The following MACROD2 variants were observed in gnomAD, a reference collection of about 807,000 sequenced individuals.
The protein encoded by MACROD2 is mono-ADP ribosylhydrolase 2, also known as ADP-ribose glycohydrolase MACROD2.
In MACROD2, 36 loss-of-function variants were observed where a neutral mutation model predicts 70.4. The observed-to-expected ratio is 0.51, with a 90% CI of 0.39 to 0.68. The LOEUF (loss-of-function observed/expected upper bound fraction) is 0.68, where lower values mean the gene tolerates loss of function less well. Ranked by LOEUF, MACROD2 falls within the 30% of genes least tolerant of loss-of-function variation. The pLI, the probability that MACROD2 is intolerant of heterozygous loss-of-function variation, is 0.00. For synonymous variants in MACROD2, 172 were observed against 178.8 expected, an observed-to-expected ratio of 0.96 and a Z score of 0.30; for missense variants, 496 against 538.4, an observed-to-expected ratio of 0.92 and a Z score of 0.78.
At chr20:15,143,362 G>C (rs1040679008) in intron 5 of MACROD2, among the ~76,000 whole-genome samples, 4 of 152,112 alleles carry the variant, frequency 2.6e-5, no homozygotes, top group African/African-American at 9.6e-5. Flanking sequence ...GGGGTTGTTT[G>C]ATTTTTTTCT....
At chr20:15,271,673 T>C (rs2077347697) in intron 6 of MACROD2, among the ~76,000 whole-genome samples, 1 of 152,194 alleles carries the variant, frequency 6.6e-6, no homozygotes, top group African/African-American at 2.4e-5. Flanking sequence ...TGAATGAATA[T>C]GAAGTGAAAG....
intron 5 of MACROD2, among the ~76,000 whole-genome samples, chr20:15,215,296 G>A (rs1337850106): frequency 6.9e-6 from 1 of 144,908 alleles, no homozygotes; most frequent in East Asian, 2.0e-4. Flanking sequence ...GTGTGTGTGT[G>A]TATTTTCAAC....
intron 5 of MACROD2, among the ~76,000 whole-genome samples, chr20:14,904,099 T>C (rs1380114820): frequency 6.6e-6 from 1 of 152,158 alleles, no homozygotes; most frequent in Non-Finnish European, 1.5e-5. Context: ...ATACCATGTC[T>C]ACATCTACCA....
rs530278679 is a variant in MACROD2, at chr20:15,655,117, G to GTA, written c.645+155272_645+155273dup. ...CTTGAAAAATACAATGTGTGTGTGT[G>GTA]TATGTGTGTGCGTGTGTGTGTTGTG... is the stretch of plus-strand genomic sequence containing the variant. On this transcript the variant is annotated intron_variant, in intron 8 of 17. Transcript: ENST00000684519. 5.9e-5 allele frequency among the ~76,000 whole-genome samples: 9 copies of GTA among 151,998 alleles called. No homozygotes were observed. In the East Asian group the frequency reaches 1.7e-3, roughly 29 times the overall value.
chr20:14,444,872 T>G (rs1366737739), intron 3 of MACROD2, among the ~76,000 whole-genome samples: 1 of 151,918 alleles, frequency 6.6e-6, no homozygotes, highest in Non-Finnish European at 1.5e-5. Flanking sequence ...TGTGTTTGTG[T>G]TCCATATATA....
chr20:15,886,123 C>A (rs2064819071), intron 10 of MACROD2, among the ~76,000 whole-genome samples: 1 of 152,124 alleles, frequency 6.6e-6, no homozygotes, highest in Admixed American at 6.6e-5. Context: ...TTCTTACGCT[C>A]ATGAGCATAG....
At chr20:14,245,382 TC>T (rs1568517776) in intron 3 of MACROD2, among the ~76,000 whole-genome samples, 1 of 149,890 alleles carries the variant, frequency 6.7e-6, no homozygotes, top group Non-Finnish European at 1.5e-5. Context: ...AAAAAAAAAT[TC>T]GTATGCTTTT....
chr20:15,860,183 G>T (rs2064406189), intron 8 of MACROD2, among the ~76,000 whole-genome samples: 1 of 151,982 alleles, frequency 6.6e-6, no homozygotes, highest in Admixed American at 6.6e-5. Flanking sequence ...GAATAACATT[G>T]CCATTAACCC....
chr20:15,732,636 G>A (rs1376450019), intron 8 of MACROD2, among the ~76,000 whole-genome samples: 1 of 134,520 alleles, frequency 7.4e-6, no homozygotes, highest in Admixed American at 7.7e-5. Context: ...AATCATTTGT[G>A]AATATTTGGG....
rs377388574 is a variant in MACROD2 at position 15,219,895 on chromosome 20, G to A, written c.419-10045G>A. ...AAACAAAGCAGATTTATTCTAAAAT[G>A]AGCAATATGCAGATGAGGGAAATGA... is the stretch of plus-strand genomic sequence containing the variant. On this transcript the variant is annotated intron_variant, in intron 5 of 17. Transcript: ENST00000684519. Among the ~76,000 whole-genome samples the A allele has an allele frequency of 3.4e-5, 5 of 147,170 alleles. No homozygotes were observed. The East Asian group carries it at 1.0e-3, about 30-fold the overall frequency.
chr20:15,364,921 A>G (rs1370330186), intron 6 of MACROD2, among the ~76,000 whole-genome samples: 1 of 152,238 alleles, frequency 6.6e-6, no homozygotes, highest in Non-Finnish European at 1.5e-5. Flanking sequence ...GCTGCAGAAC[A>G]GGAAAAAAGA....
At chr20:15,274,659 C>T (rs552591847) in intron 6 of MACROD2, among the ~76,000 whole-genome samples, 9 of 152,320 alleles carry the variant, frequency 5.9e-5, no homozygotes, top group South Asian at 4.1e-4. Flanking sequence ...AGGTATTCAA[C>T]GCCTACCATG....
chr20:14,485,516 A>G (rs1324961696), intron 3 of MACROD2, among the ~76,000 whole-genome samples: 1 of 152,048 alleles, frequency 6.6e-6, no homozygotes, highest in Non-Finnish European at 1.5e-5. Context: ...CCTGGCTAAC[A>G]CGGTGAAACC....
intron 5 of MACROD2, among the ~76,000 whole-genome samples, chr20:14,758,244 G>C (rs1056703787): frequency 6.6e-6 from 1 of 151,892 alleles, no homozygotes; most frequent in Non-Finnish European, 1.5e-5. Context: ...TGTGCCACTA[G>C]ATTTATAGAA....
intron 5 of MACROD2, among the ~76,000 whole-genome samples, chr20:14,782,563 A>G (rs1356783144): frequency 6.6e-6 from 1 of 152,048 alleles, no homozygotes; most frequent in Non-Finnish European, 1.5e-5. Context: ...TATACCATTG[A>G]ATTGGACACC....
chr20:15,501,850 C>G (rs541165174), intron 8 of MACROD2, among the ~76,000 whole-genome samples: 1 of 151,902 alleles, frequency 6.6e-6, no homozygotes. Flanking sequence ...TTATTTTTTC[C>G]TCTGTTAAAA....
chr20:15,227,296 C>T (rs1048591138), intron 5 of MACROD2, among the ~76,000 whole-genome samples: 2 of 152,172 alleles, frequency 1.3e-5, no homozygotes, highest in Middle Eastern at 3.4e-3. Context: ...TTTATGATGT[C>T]ACTATTTCCT....
chr20:14,327,259 A>T, intron 3 of MACROD2: 1 of 1,613,818 alleles, frequency 6.2e-7, no homozygotes, highest in Non-Finnish European at 8.5e-7. Context: ...TTCTACTTTC[A>T]GCAAGTTTTT....
chr20:15,512,649 C>T (rs6043341), intron 8 of MACROD2, among the ~76,000 whole-genome samples: 5,244 of 152,212 alleles, frequency 0.034, 314 homozygotes, highest in African/African-American at 0.12. Context: ...GATGATTTTC[C>T]GGTTGGTACC....
Sources: gnomAD v4.1 joint callset for allele counts (sites outside exome capture counted in the v4.1 genomes callset) on GRCh38, gnomAD v4.1.1 for gene constraint, MANE v1.5 for transcripts, NCBI Gene and HGNC (gene_info 2026-07-23, HGNC 2026-07-21) for gene names.